Variants in CSPG4 observed in about 807,000 individuals in gnomAD.
CSPG4 encodes the protein chondroitin sulfate proteoglycan 4.
A neutral mutation model predicts 139.3 loss-of-function variants in CSPG4; 74 were observed. The observed-to-expected ratio is 0.53, with a 90% CI of 0.44 to 0.64. CSPG4 has a LOEUF of 0.64. Ranked by LOEUF, CSPG4 falls within the 30% of genes least tolerant of loss-of-function variation. The probability of loss-of-function intolerance (pLI) is 0.00; values close to 1 mark genes in which losing one functional copy is unlikely to be tolerated. For missense variants in CSPG4, 2,565 were observed against 3,148.3 expected, an observed-to-expected ratio of 0.81 and a Z score of 4.43; for synonymous variants, 1,234 against 1,394.2, an observed-to-expected ratio of 0.89 and a Z score of 2.56.
Position 75,693,187 on chromosome 15 carries a change from A to G in CSPG4, c.135T>C (p.Ala45=). The change falls in exon 2 of 10, where the codon GCT becomes GCC. Residue 45 remains alanine (A), a synonymous_variant. Coordinates refer to ENST00000308508, the MANE Select transcript of CSPG4 (RefSeq NM_001897.5). The part of the protein sequence containing the change: ...ENHLEVPVAT[A]LTDIDLQLQF... ...GCAGCTGCAGGTCTATGTCGGTCAG[A>G]GCCGTGGCCACAGGCACCTCCAGGT... 1 of 1,610,688 alleles carries G rather than the reference A, an allele frequency of 6.2e-7. No homozygotes were observed. The highest frequency in any genetic ancestry group is 8.5e-7 in the Non-Finnish European group (1 of 1,179,394).
At chr15:75,709,466 A>AG (rs1894416722) in intron 1 of CSPG4, among the ~76,000 whole-genome samples, 1 of 152,148 alleles carries the variant, frequency 6.6e-6, no homozygotes, top group Admixed American at 6.5e-5. Flanking sequence ...GACACACCTC[A>AG]GGTGGCACCC....
chr15:75,688,204 G>A lies in CSPG4; in HGVS notation c.2861C>T (p.Thr954Ile). 2 of 1,612,896 alleles carry A rather than the reference G, an allele frequency of 1.2e-6. No homozygotes were observed. Among genetic ancestry groups the A allele is most frequent in the Non-Finnish European group, 1.7e-6 (2 of 1,179,894 alleles). Reference protein sequence around the residue: ...RLAWRGTQDKTTMVTSFTNED... With the variant: ...RLAWRGTQDKITMVTSFTNED... ...ATTGGTGAAGGATGTCACCATAGTG[G>A]TCTTGTCCTGTGTCCCACGCCAAGC... The change falls in exon 3 of 10, where the codon ACC becomes ATC. Residue 954 changes from threonine to isoleucine, a missense_variant. Thr to Ile is a moderately conservative substitution (Grantham distance 89). Coordinates refer to ENST00000308508, the MANE Select transcript of CSPG4 (RefSeq NM_001897.5).
Position 75,676,069 on chromosome 15 carries a change from G to A in CSPG4, c.6450C>T (p.Gly2150=), listed in dbSNP as rs919654173. 28 of 1,533,008 alleles carry A rather than the reference G, an allele frequency of 1.8e-5. No individual in the cohort carries two copies. Among genetic ancestry groups the A allele is most frequent in the East Asian group, 2.4e-5 (1 of 41,318 alleles). The allele number at this position is 1,533,008 out of a possible 1,614,324, so 95.0% of individuals were successfully genotyped here. A position where few individuals can be genotyped will look rare whatever the true frequency, so the allele number is the denominator to read the frequency against. The change falls in exon 10 of 10, where the codon GGC becomes GGT. Residue 2150 remains glycine, a synonymous_variant. Coordinates refer to ENST00000308508, the MANE Select transcript of CSPG4 (RefSeq NM_001897.5). ...CCAGGGAGGCCACAGCAGGCGGGAC[G>A]CCCTGTGCCCACAGCTCCAGAGTGA... ...DSLTLELWAQ[G]VPPAVASLDF... is the part of the protein sequence containing the mutation.
At chr15:75,702,422 G>A (rs375905611) in intron 1 of CSPG4, among the ~76,000 whole-genome samples, 61 of 152,244 alleles carry the variant, frequency 4.0e-4, no homozygotes, top group African/African-American at 1.3e-3. Context: ...CACTCGCTGC[G>A]GCCCAGGGGG....
intron 8 of CSPG4, among the ~76,000 whole-genome samples, chr15:75,680,924 C>T: frequency 6.6e-6 from 1 of 152,182 alleles, no homozygotes. Context: ...GCACTGCCAG[C>T]CTGACCCCCT....
intron 1 of CSPG4, among the ~76,000 whole-genome samples, chr15:75,700,503 G>A (rs1335058243): frequency 4.6e-5 from 7 of 152,160 alleles, no homozygotes; most frequent in Admixed American, 1.3e-4. Context: ...GGGGCTGGCG[G>A]GGGATGACTA....
At chr15:75,691,098 CG>C (rs1596010130) in intron 2 of CSPG4, among the ~76,000 whole-genome samples, 2 of 152,286 alleles carry the variant, frequency 1.3e-5, no homozygotes, top group East Asian at 3.9e-4. Flanking sequence ...TGCTTGAACT[CG>C]GGAGGTGGAG....
intron 3 of CSPG4, among the ~76,000 whole-genome samples, chr15:75,686,195 CAT>C (rs552529721): frequency 3.9e-4 from 59 of 152,364 alleles, no homozygotes; most frequent in African/African-American, 1.4e-3. Context: ...TGCATAATCA[CAT>C]GTCCCCAGAC....
At chr15:75,685,801 C>T (rs1894050328) in intron 3 of CSPG4, 100 bp from the exon 4 acceptor site, 1 of 1,299,316 alleles carries the variant, frequency 7.7e-7, no homozygotes, top group East Asian at 2.5e-5. Context: ...TGATCTTGCC[C>T]CACTTATTCC....
At position 75,683,033 on chromosome 15, in the gene CSPG4, C is replaced by T. The variant is rs777638816; in HGVS notation, c.4458G>A (p.Glu1486=). 1.9e-6 allele frequency: 3 copies of T among 1,609,744 alleles called. No individual in the cohort carries two copies. The highest frequency in any genetic ancestry group is 8.5e-7 in the Non-Finnish European group (1 of 1,179,468). The change falls in exon 6 of 10, where the codon GAG becomes GAA. Residue 1486 remains glutamate, a synonymous_variant. Coordinates refer to ENST00000308508, the MANE Select transcript of CSPG4 (RefSeq NM_001897.5). The part of the protein sequence containing the change: ...LTTNTGLQMW[E]GATAPIPAEA... ...CCGCAGGGATGGGCGCAGTGGCCCC[C>T]TCCCACATCTGGGAACACAGGCCTG... is the stretch of plus-strand genomic sequence containing the variant.
At chr15:75,711,490 C>A (rs1226732220) in intron 1 of CSPG4, among the ~76,000 whole-genome samples, 1 of 152,206 alleles carries the variant, frequency 6.6e-6, no homozygotes, top group Non-Finnish European at 1.5e-5. Context: ...CAGCCCATCC[C>A]TCAGGCCCTG....
chr15:75,684,874 G>A lies in CSPG4; in HGVS notation c.4311C>T (p.Ser1437=), dbSNP rs748672372. The change falls in exon 5 of 10, where the codon AGC becomes AGT. Residue 1437 remains serine (S), a synonymous_variant. Coordinates refer to ENST00000308508, the MANE Select transcript of CSPG4 (RefSeq NM_001897.5). ...GGACAAAACTGTCTGTCAGTGTCTCGCTCCCGTCATGCACGTAGCGGATCA... is the reference window on the plus strand; with the variant it reads ...GGACAAAACTGTCTGTCAGTGTCTCACTCCCGTCATGCACGTAGCGGATCA... ...EQLIRYVHDG[S]ETLTDSFVLM... The A allele has an allele frequency of 9.3e-6, 15 of 1,613,132 alleles. No homozygotes were observed. Among genetic ancestry groups the A allele is most frequent in the South Asian group, 3.3e-5 (3 of 91,078 alleles).
At position 75,689,466 on chromosome 15, in the gene CSPG4, G is replaced by T. The variant is rs1894125537; in HGVS notation, c.1599C>A (p.Cys533Ter). 1 of 1,612,828 alleles carries T rather than the reference G, an allele frequency of 6.2e-7. No homozygotes were observed. Among genetic ancestry groups the T allele is most frequent in the Non-Finnish European group, 8.5e-7 (1 of 1,179,866 alleles). ...GGAGGTATGTTTGGCCCCTCCGAAG[G>T]CATGAGGGCATGGGCACCCGAGCCG... is the stretch of plus-strand genomic sequence containing the variant. ...SVTARVPMPS[C>*]LRRGQTYLLP... The change falls in exon 3 of 10, where the codon TGC (cysteine) becomes TGA (stop). Residue 533 changes from cysteine (C) to a stop codon, truncating the protein, a stop_gained. Transcript: ENST00000308508. LOFTEE classifies it high-confidence loss of function.
Position 75,696,267 on chromosome 15 carries a change from G to T in CSPG4, c.89-3034C>A, listed in dbSNP as rs1180500226. ...TGCTGTCCATATGGATGTGGGGAAG[G>T]TTAATGGCATGGGGTGCCTGGAGGT... is the stretch of plus-strand genomic sequence containing the variant. On this transcript the variant is annotated intron_variant, in intron 1 of 9. Transcript: ENST00000308508. The surrounding 1 kb of genome is among the most constrained non-coding windows in gnomAD (Gnocchi z 4.2). 6.6e-6 allele frequency among the ~76,000 whole-genome samples: 1 copy of T among 152,120 alleles called. No individual in the cohort carries two copies. Among genetic ancestry groups the T allele is most frequent in the Non-Finnish European group, 1.5e-5 (1 of 68,016 alleles).
intron 2 of CSPG4, among the ~76,000 whole-genome samples, chr15:75,692,580 G>A (rs1474710642): frequency 2.0e-5 from 3 of 152,236 alleles, no homozygotes; most frequent in Admixed American, 6.5e-5. Flanking sequence ...TGTTACTGTC[G>A]TGGACAGACC....
intron 4 of CSPG4, 120 bp downstream of exon 4, chr15:75,685,099 C>T (rs1894035053): frequency 2.2e-5 from 30 of 1,384,044 alleles, no homozygotes; most frequent in Non-Finnish European, 2.8e-5. Context: ...ATAGGTGCTT[C>T]TGAAATGTGA....
In CSPG4 at chr15:75,676,921, C is replaced by A; in HGVS notation, c.5598G>T (p.Gly1866=). The change falls in exon 10 of 10, where the codon GGG becomes GGT. Residue 1866 remains glycine (G), a synonymous_variant. Coordinates refer to ENST00000308508, the MANE Select transcript of CSPG4 (RefSeq NM_001897.5). The part of the protein sequence containing the change: ...LSVVDPDSAP[G]EIEYEVQRAP... ...CCCGCTGGACCTCGTACTCAATCTC[C>A]CCAGGAGCTGAGTCTGGGTCCACCA... 6.4e-7 allele frequency: 1 copy of A among 1,561,272 alleles called. No individual in the cohort carries two copies.
rs761814163 is a variant in CSPG4 at position 75,688,960 on chromosome 15, C to T, written c.2105G>A (p.Arg702His). ...AVGQDVSVLF[R>H]VTGALQFGEL... Reference sequence around the variant, plus strand: ...CCCAAACTGCAGGGCCCCAGTGACGCGGAACAGCACGCTCACATCCTGCCC... The same window carrying T: ...CCCAAACTGCAGGGCCCCAGTGACGTGGAACAGCACGCTCACATCCTGCCC... Residue 702 changes from arginine to histidine, a missense_variant, in exon 3 of 10, where the codon CGC (arginine) becomes CAC (histidine). Arg to His is a conservative substitution (Grantham distance 29). Transcript: ENST00000308508. 3.3e-5 allele frequency: 53 copies of T among 1,612,558 alleles called. No individual in the cohort carries two copies. The highest frequency in any genetic ancestry group is 1.5e-4 in the African/African-American group (11 of 75,052).
chr15:75,700,195 A>T (rs1894282604), intron 1 of CSPG4, among the ~76,000 whole-genome samples: 6 of 152,158 alleles, frequency 3.9e-5, no homozygotes, highest in Admixed American at 3.9e-4. Context: ...AGCAGGGCAC[A>T]TGCACCGTGT....
Sources: gnomAD v4.1 joint callset for allele counts (sites outside exome capture counted in the v4.1 genomes callset) on GRCh38, gnomAD v4.1.1 for gene constraint, Gnocchi (gnomAD v3.1) non-coding constraint, MANE v1.5 for transcripts, NCBI Gene and HGNC (gene_info 2026-07-23, HGNC 2026-07-21) for gene names.